Variants in GSDME observed in about 807,000 individuals in gnomAD.
GSDME encodes gasdermin E, also known as gasdermin-E.
Under a neutral mutation model 47.5 loss-of-function variants are expected in GSDME, and 44 were observed. That is an observed-to-expected ratio of 0.93 (90% CI 0.73 to 1.19). The LOEUF is 1.19. GSDME is among the 50% of genes most tolerant of loss of function. GSDME has a pLI of 0.00. For missense variants in GSDME, 663 were observed against 604.2 expected (o/e 1.10, Z -1.02); for synonymous variants, 258 against 252.8 (o/e 1.02, Z -0.20).
upstream of GSDME, among the ~76,000 whole-genome samples, chr7:24,759,746 A>G (rs1207342216): frequency 1.3e-5 from 2 of 152,184 alleles, no homozygotes; most frequent in Non-Finnish European, 2.9e-5. Context: ...CCACCCAAGC[A>G]GTGTAGGAGC....
Position 24,744,612 on chromosome 7 carries a change from C to T in GSDME, c.354G>A (p.Leu118=). Residue 118 remains leucine, a synonymous_variant, in exon 3 of 10, where the codon CTG becomes CTA. Transcript: ENST00000645220. The surrounding 1 kb of genome is among the most constrained non-coding windows in gnomAD (Gnocchi z 4.5). ...GCTGCAAATCCACCTCCTGCTTCCTCAGGGTTCCAAATGAAGACTGGCTCT... is the reference window on the plus strand; with the variant it reads ...GCTGCAAATCCACCTCCTGCTTCCTTAGGGTTCCAAATGAAGACTGGCTCT... ...RVESQSSFGT[L]RKQEVDLQQL... 1 of 1,614,200 alleles carries T rather than the reference C, an allele frequency of 6.2e-7. No homozygotes were observed. The highest frequency in any genetic ancestry group is 2.2e-5 in the East Asian group (1 of 44,894).
the GSDME span, among the ~76,000 whole-genome samples, chr7:24,783,256 C>A: frequency 6.6e-6 from 1 of 152,176 alleles, no homozygotes; most frequent in Admixed American, 6.5e-5. Context: ...AGGCTCAGAG[C>A]ATTCACATCC....
In GSDME at chr7:24,736,692, C is replaced by G. The variant is rs1225540913; in HGVS notation, c.404+7870G>C. Among the ~76,000 whole-genome samples, 1 of 152,130 alleles carries G rather than the reference C, an allele frequency of 6.6e-6. No individual in the cohort carries two copies. Among genetic ancestry groups the G allele is most frequent in the African/African-American group, 2.4e-5 (1 of 41,428 alleles). On this transcript the variant is annotated intron_variant, in intron 3 of 9. Coordinates refer to ENST00000645220, the MANE Select transcript of GSDME (RefSeq NM_001127453.2). This position sits in a 1 kb window ranked among gnomAD's most constrained non-coding sequence, Gnocchi z 4.6. ...ATAGATATATACAGAACATTTCATC[C>G]AACAACTGAAGAATACACATTCTTT...
At chr7:24,703,568 CAA>C (rs1307635251) in intron 8 of GSDME, 1 of 153,570 alleles carries the variant, frequency 6.5e-6, no homozygotes, top group Non-Finnish European at 1.4e-5. Context: ...GCTGAAAAGG[CAA>C]AAAAGAATGA....
At position 24,726,332 on chromosome 7, in the gene GSDME, G is replaced by C. The variant is rs1351114224; in HGVS notation, c.405-7114C>G. ...GTTTCTTTACCAAAGCATAAAGGAGGTCCCGGGGATGCCTCCTGCAGAGAC... is the reference window on the plus strand; with the variant it reads ...GTTTCTTTACCAAAGCATAAAGGAGCTCCCGGGGATGCCTCCTGCAGAGAC... On this transcript the variant is annotated intron_variant, in intron 3 of 9. Transcript: ENST00000645220. This position sits in a 1 kb window ranked among gnomAD's most constrained non-coding sequence, Gnocchi z 5.6. 6.6e-6 allele frequency among the ~76,000 whole-genome samples: 1 copy of C among 152,162 alleles called. No individual in the cohort carries two copies. The highest frequency in any genetic ancestry group is 1.5e-5 in the Non-Finnish European group (1 of 68,042).
chr7:24,795,393 T>G, the GSDME span, among the ~76,000 whole-genome samples: 1 of 151,726 alleles, frequency 6.6e-6, no homozygotes, highest in Non-Finnish European at 1.5e-5. Flanking sequence ...AGACACCGAG[T>G]TGAGGAAGGA....
At chr7:24,750,593 A>G (rs899138181) in intron 1 of GSDME, among the ~76,000 whole-genome samples, 1 of 152,198 alleles carries the variant, frequency 6.6e-6, no homozygotes, top group Non-Finnish European at 1.5e-5. Flanking sequence ...AGTCTGGGTG[A>G]CAGTGCAAGA....
the GSDME span, among the ~76,000 whole-genome samples, chr7:24,765,560 G>A: frequency 2.6e-5 from 4 of 152,306 alleles, no homozygotes; most frequent in South Asian, 2.1e-4. Context: ...AACTGTTTCT[G>A]TACGTCACTC....
chr7:24,702,050 C>T (rs973117944), intron 9 of GSDME, among the ~76,000 whole-genome samples: 2 of 152,288 alleles, frequency 1.3e-5, no homozygotes, highest in African/African-American at 2.4e-5. Context: ...AGTAATTAGG[C>T]CTTAAAATAA....
the GSDME span, among the ~76,000 whole-genome samples, chr7:24,788,126 C>T: frequency 3.9e-5 from 6 of 152,192 alleles, no homozygotes; most frequent in Non-Finnish European, 5.9e-5. This position sits in a 1 kb window ranked among gnomAD's most constrained non-coding sequence, Gnocchi z 4.6. Flanking sequence ...ACTGAAAATG[C>T]GTCCAAACAC....
At chr7:24,737,640 C>A (rs753331961) in intron 3 of GSDME, among the ~76,000 whole-genome samples, 5 of 151,776 alleles carry the variant, frequency 3.3e-5, no homozygotes, top group Non-Finnish European at 5.9e-5. Flanking sequence ...TACTTTCAAA[C>A]TCATTTTACA....
chr7:24,772,183 C>G, the GSDME span, among the ~76,000 whole-genome samples: 1 of 152,176 alleles, frequency 6.6e-6, no homozygotes, highest in African/African-American at 2.4e-5. The surrounding 1 kb of genome is among the most constrained non-coding windows in gnomAD (Gnocchi z 4.5). Context: ...CTGGCCCATC[C>G]TCAGTTCCTC....
In GSDME at chr7:24,744,720, G is replaced by C; in HGVS notation, c.246C>G (p.Gly82=). 2 of 1,614,050 alleles carry C rather than the reference G, an allele frequency of 1.2e-6. No homozygotes were observed. Among genetic ancestry groups the C allele is most frequent in the Middle Eastern group, 3.3e-4 (2 of 6,062 alleles). ...TTCCACTCACGTGGTTTGCAAACTTGCCCTCGTATTTCACAAAGTCCGACT... is the reference window on the plus strand; with the variant it reads ...TTCCACTCACGTGGTTTGCAAACTTCCCCTCGTATTTCACAAAGTCCGACT... ...VVESDFVKYE[G]KFANHVSGTL... Residue 82 remains glycine (G), a synonymous_variant, in exon 3 of 10, where the codon GGC becomes GGG. Coordinates refer to ENST00000645220, the MANE Select transcript of GSDME (RefSeq NM_001127453.2). The surrounding 1 kb of genome is among the most constrained non-coding windows in gnomAD (Gnocchi z 4.5).
At chr7:24,779,513 G>GTGTGTGTGTGTGTGTGTC in the GSDME span, among the ~76,000 whole-genome samples, 2 of 151,672 alleles carry the variant, frequency 1.3e-5, no homozygotes, top group African/African-American at 2.4e-5. This position sits in a 1 kb window ranked among gnomAD's most constrained non-coding sequence, Gnocchi z 6.0. Context: ...GTGTGTGTGT[G>GTGTGTGTGTGTGTGTGTC]TGTGTGTGTG....
rs756177947 is a variant in GSDME at position 24,699,194 on chromosome 7, A to G, written c.1323T>C (p.Asp441=). Residue 441 remains aspartate (D), a synonymous_variant, in exon 10 of 10, where the codon GAT becomes GAC. Coordinates refer to ENST00000645220, the MANE Select transcript of GSDME (RefSeq NM_001127453.2). The stretch of plus-strand genomic sequence containing the variant: ...GCTGCACAATCCCAAACCTTTCTGT[A>G]TCTTTCAGGGGAGTCAAGGTTGGGT... ...LEDPTLTPLK[D]TERFGIVQRL... 14 of 1,614,084 alleles carry G rather than the reference A, an allele frequency of 8.7e-6. No individual in the cohort carries two copies. Among genetic ancestry groups the G allele is most frequent in the African/African-American group, 5.3e-5 (4 of 74,920 alleles).
upstream of GSDME, among the ~76,000 whole-genome samples, chr7:24,760,346 C>T (rs1185487564): frequency 6.6e-6 from 1 of 152,152 alleles, no homozygotes; most frequent in Non-Finnish European, 1.5e-5. The surrounding 1 kb of genome is among the most constrained non-coding windows in gnomAD (Gnocchi z 4.2). Flanking sequence ...CCTTGAGAAC[C>T]ACATTTGGAG....
chr7:24,702,861 G>A (rs774888867), intron 8 of GSDME, 28 bp from the exon 9 acceptor site: 1 of 1,605,630 alleles, frequency 6.2e-7, no homozygotes, highest in African/African-American at 1.3e-5. Flanking sequence ...CACAGTCACA[G>A]TCCAAAAAAA....
chr7:24,726,592 G>A lies in GSDME; in HGVS notation c.405-7374C>T, dbSNP rs1327655195. 1.3e-5 allele frequency among the ~76,000 whole-genome samples: 2 copies of A among 152,322 alleles called. No individual in the cohort carries two copies. The highest frequency in any genetic ancestry group is 4.8e-5 in the African/African-American group (2 of 41,580). On this transcript the variant is annotated intron_variant, in intron 3 of 9. Coordinates refer to ENST00000645220, the MANE Select transcript of GSDME (RefSeq NM_001127453.2). The surrounding 1 kb of genome is among the most constrained non-coding windows in gnomAD (Gnocchi z 5.6). Reference sequence around the variant, plus strand: ...TTATCCCAGCACTTTGGGAGGCCGAGGCGGGCGGATCACGAGGTCAGGAGA... The same window carrying A: ...TTATCCCAGCACTTTGGGAGGCCGAAGCGGGCGGATCACGAGGTCAGGAGA...
chr7:24,723,195 G>C (rs565457309), intron 3 of GSDME, among the ~76,000 whole-genome samples: 7 of 152,328 alleles, frequency 4.6e-5, no homozygotes, highest in African/African-American at 1.4e-4. Flanking sequence ...GCCCCACAGG[G>C]ACAGCGGGGA....
Sources: allele counts gnomAD v4.1 joint callset (sites outside exome capture counted in the v4.1 genomes callset), GRCh38; gene constraint gnomAD v4.1.1; non-coding constraint Gnocchi (gnomAD v3.1); transcripts MANE v1.5; gene names NCBI Gene and HGNC (gene_info 2026-07-23, HGNC 2026-07-21).